NTNG1: variants seen among roughly 807,000 people sequenced by gnomAD.
The protein encoded by NTNG1 is netrin-G1.
In NTNG1, 16 loss-of-function variants were observed where a neutral mutation model predicts 54.0. The ratio of observed to expected loss-of-function variants is 0.30; its 90% CI spans 0.20 to 0.45. The LOEUF is 0.45. Among genes scored for constraint, NTNG1 ranks in the 20% least tolerant of loss-of-function variants. NTNG1 has a pLI of 1.00. For missense variants in NTNG1, 530 were observed against 678.7 expected (o/e 0.78, Z 2.43); for synonymous variants, 255 against 263.1 (o/e 0.97, Z 0.30).
intron 2 of NTNG1, among the ~76,000 whole-genome samples, chr1:107,273,636 G>A (rs1280045900): frequency 6.6e-6 from 1 of 152,120 alleles, no homozygotes; most frequent in Non-Finnish European, 1.5e-5. Context: ...GAATATTTAA[G>A]GAATGAATGA....
intron 3 of NTNG1, among the ~76,000 whole-genome samples, chr1:107,376,418 A>C (rs200998885): frequency 2.5e-5 from 2 of 79,996 alleles, no homozygotes; most frequent in African/African-American, 4.4e-5. Context: ...AAAACAAAAC[A>C]AAAAAAAAAA....
chr1:107,394,120 G>A (rs950749214), intron 3 of NTNG1, among the ~76,000 whole-genome samples: 1 of 151,978 alleles, frequency 6.6e-6, no homozygotes, highest in Admixed American at 6.6e-5. Context: ...GCCCAGGCTG[G>A]ATGCCCAGGT....
At chr1:107,287,644 G>C (rs889259199) in intron 2 of NTNG1, among the ~76,000 whole-genome samples, 9 of 152,094 alleles carry the variant, frequency 5.9e-5, no homozygotes, top group Non-Finnish European at 1.3e-4. Flanking sequence ...GTTGAAGATG[G>C]ACATTTGCAA....
At chr1:107,279,610 T>G (rs547300092) in intron 2 of NTNG1, among the ~76,000 whole-genome samples, 1 of 152,296 alleles carries the variant, frequency 6.6e-6, no homozygotes, top group East Asian at 1.9e-4. Context: ...TGTTTTCTCC[T>G]TCATCTTTCT....
rs182932600 is a variant in NTNG1, at chr1:107,472,725, T to G, written c.1391-7886T>G. On this transcript the variant is annotated intron_variant, in intron 7 of 7. Transcript: ENST00000370068. ...CATAAGGTCGGGGAAGAAAAAAGGT[T>G]TTTTTTTGTTTTGTTTTGTTTTTTT... Among the ~76,000 whole-genome samples the G allele has an allele frequency of 4.6e-5, 7 of 152,084 alleles. No homozygotes were observed. The East Asian group carries it at 1.2e-3, about 25-fold the overall frequency.
intron 6 of NTNG1, among the ~76,000 whole-genome samples, chr1:107,435,124 T>A (rs1675516249): frequency 6.6e-6 from 1 of 152,150 alleles, no homozygotes; most frequent in Admixed American, 6.6e-5. Flanking sequence ...TAACTCTGCT[T>A]ACTGGCTTAC....
chr1:107,293,372 A>G (rs1557875414), intron 2 of NTNG1, among the ~76,000 whole-genome samples: 1 of 152,228 alleles, frequency 6.6e-6, no homozygotes, highest in Admixed American at 6.5e-5. Context: ...ATTTTTCCTA[A>G]GGAAGCAATT....
intron 3 of NTNG1, among the ~76,000 whole-genome samples, chr1:107,375,438 A>G (rs1671172120): frequency 6.6e-6 from 1 of 152,216 alleles, no homozygotes; most frequent in Admixed American, 6.5e-5. Flanking sequence ...GAGGTTAAAT[A>G]CAGGTCTTGT....
chr1:107,314,384 G>A (rs1667208797), intron 2 of NTNG1, among the ~76,000 whole-genome samples: 1 of 151,508 alleles, frequency 6.6e-6, no homozygotes, highest in African/African-American at 2.4e-5. Context: ...GGGCAAAGAG[G>A]GAGAATCCGT....
At chr1:107,426,791 A>G (rs1261301856) in intron 5 of NTNG1, among the ~76,000 whole-genome samples, 2 of 152,090 alleles carry the variant, frequency 1.3e-5, no homozygotes, top group African/African-American at 4.8e-5. Context: ...TTTTAACAAT[A>G]TTAATTCTTT....
At chr1:107,424,235 A>T (rs1674742489) in intron 5 of NTNG1, among the ~76,000 whole-genome samples, 1 of 152,096 alleles carries the variant, frequency 6.6e-6, no homozygotes, top group South Asian at 2.1e-4. Context: ...GAAGCAAATA[A>T]TGGAGATGTC....
chr1:107,354,187 T>C (rs1358981169), intron 3 of NTNG1, among the ~76,000 whole-genome samples: 3 of 152,010 alleles, frequency 2.0e-5, no homozygotes, highest in African/African-American at 7.2e-5. Flanking sequence ...TAGAATTAAA[T>C]TGGCCAGGCA....
intron 2 of NTNG1, among the ~76,000 whole-genome samples, chr1:107,161,498 TA>T (rs1370507886): frequency 6.6e-6 from 1 of 151,716 alleles, no homozygotes; most frequent in African/African-American, 2.4e-5. Flanking sequence ...CCATCTCTAC[TA>T]AAAATACAAA....
intron 2 of NTNG1, among the ~76,000 whole-genome samples, chr1:107,302,699 T>G (rs1315485608): frequency 6.6e-6 from 1 of 152,158 alleles, no homozygotes; most frequent in African/African-American, 2.4e-5. Flanking sequence ...ATTATCTTCT[T>G]TTGTTTTTGT....
intron 2 of NTNG1, among the ~76,000 whole-genome samples, chr1:107,273,006 T>C (rs1446289237): frequency 6.6e-6 from 1 of 152,238 alleles, no homozygotes; most frequent in African/African-American, 2.4e-5. Flanking sequence ...CAGCTTACTT[T>C]CTCTAGGATA....
At chr1:107,284,611 C>G (rs1665079518) in intron 2 of NTNG1, among the ~76,000 whole-genome samples, 1 of 151,724 alleles carries the variant, frequency 6.6e-6, no homozygotes, top group African/African-American at 2.4e-5. Context: ...TACATAATGC[C>G]AAGCAAAAAA....
chr1:107,157,740 A>G (rs12077083), intron 2 of NTNG1, among the ~76,000 whole-genome samples: 7,184 of 152,150 alleles, frequency 0.047, 222 homozygotes, highest in African/African-American at 0.084. Flanking sequence ...TCTAACTGTA[A>G]GAGTTTTAAC....
chr1:107,280,155 A>C lies in NTNG1; in HGVS notation c.247-44127A>C. Among the ~76,000 whole-genome samples, 5 of 55,294 alleles carry C rather than the reference A, an allele frequency of 9.0e-5. 1 individual carries two copies. Among genetic ancestry groups the C allele is most frequent in the Admixed American group, 3.4e-4 (1 of 2,944 alleles). 36.3% of individuals were successfully genotyped at this position (55,294 alleles called of 152,430 possible). On this transcript the variant is annotated intron_variant, in intron 2 of 7. Transcript: ENST00000370068. ...AGATGTATGATGTGTTTCGGTGCTA[A>C]CCTTTTTTTTTTTTTTTTCCCTCAC...
At chr1:107,468,157 T>C (rs1006737859) in intron 7 of NTNG1, among the ~76,000 whole-genome samples, 1 of 152,208 alleles carries the variant, frequency 6.6e-6, no homozygotes, top group Non-Finnish European at 1.5e-5. Flanking sequence ...GTGATTTTAG[T>C]AGCTATTTTT....
Sources: allele counts gnomAD v4.1 joint callset (sites outside exome capture counted in the v4.1 genomes callset), GRCh38; gene constraint gnomAD v4.1.1; transcripts MANE v1.5; gene names NCBI Gene and HGNC (gene_info 2026-07-23, HGNC 2026-07-21).